The following ACCSL variants were observed in gnomAD, a reference collection of about 807,000 sequenced individuals.
ACCSL encodes probable inactive 1-aminocyclopropane-1-carboxylate synthase-like protein 2.
In ACCSL, 55 loss-of-function variants were observed where a neutral mutation model predicts 61.7. The ratio of observed to expected loss-of-function variants is 0.89; its 90% CI spans 0.72 to 1.12. The LOEUF is 1.12. Ranked by LOEUF, ACCSL falls within the 50% of genes most tolerant of loss-of-function variation. The pLI, the probability that ACCSL is intolerant of heterozygous loss-of-function variation, is 0.00. For missense variants in ACCSL, 632 were observed against 698.0 expected, an observed-to-expected ratio of 0.91 and a Z score of 1.07; for synonymous variants, 258 against 264.3, an observed-to-expected ratio of 0.98 and a Z score of 0.23.
chr11:43,955,317 G>A, the ACCSL span, among the ~76,000 whole-genome samples: 3 of 152,134 alleles, frequency 2.0e-5, no homozygotes, highest in Non-Finnish European at 2.9e-5. Flanking sequence ...TTTATAAAGA[G>A]CAGAAATTTA....
intron 11 of ACCSL, among the ~76,000 whole-genome samples, chr11:44,056,958 T>C (rs1271037795): frequency 1.3e-5 from 2 of 152,230 alleles, no homozygotes; most frequent in South Asian, 4.1e-4. Flanking sequence ...CAGAAATTAG[T>C]CTTTATGTGA....
At chr11:44,006,982 T>C in the ACCSL span, among the ~76,000 whole-genome samples, 5 of 152,160 alleles carry the variant, frequency 3.3e-5, no homozygotes, top group African/African-American at 4.8e-5. Flanking sequence ...GCGTCAAGAA[T>C]CCTCGTAGGC....
At chr11:43,980,388 C>T in the ACCSL span, among the ~76,000 whole-genome samples, 1 of 152,188 alleles carries the variant, frequency 6.6e-6, no homozygotes, top group African/African-American at 2.4e-5. Flanking sequence ...ATGTTTTCAT[C>T]GTCAGCTGTC....
At chr11:43,992,387 C>A in the ACCSL span, among the ~76,000 whole-genome samples, 1 of 152,202 alleles carries the variant, frequency 6.6e-6, no homozygotes, top group Non-Finnish European at 1.5e-5. Context: ...ACATGCTTTG[C>A]AGGATAGTCT....
At chr11:43,956,715 A>G in the ACCSL span, among the ~76,000 whole-genome samples, 2 of 152,182 alleles carry the variant, frequency 1.3e-5, no homozygotes, top group Non-Finnish European at 2.9e-5. Flanking sequence ...CACTGCACCC[A>G]GCCTACAATT....
the ACCSL span, among the ~76,000 whole-genome samples, chr11:44,023,323 G>A: frequency 8.6e-5 from 13 of 152,012 alleles, no homozygotes; most frequent in African/African-American, 2.9e-4. Flanking sequence ...AAAGTGTTGC[G>A]ATTATAGGCA....
At chr11:43,927,863 C>G in the ACCSL span, among the ~76,000 whole-genome samples, 1 of 152,184 alleles carries the variant, frequency 6.6e-6, no homozygotes, top group Non-Finnish European at 1.5e-5. Flanking sequence ...CTGTCCTGTG[C>G]CTGGCACAGA....
chr11:43,973,901 T>C, the ACCSL span: 1 of 152,200 alleles, frequency 6.6e-6, no homozygotes, highest in African/African-American at 2.4e-5. Flanking sequence ...ATAAGATCAT[T>C]ATAACATGAG....
the ACCSL span, among the ~76,000 whole-genome samples, chr11:44,032,808 T>G: frequency 6.6e-6 from 1 of 152,202 alleles, no homozygotes; most frequent in African/African-American, 2.4e-5. Context: ...AAAGCCCTCC[T>G]GCCAAGAATT....
At chr11:43,922,742 T>G in the ACCSL span, among the ~76,000 whole-genome samples, 2 of 152,300 alleles carry the variant, frequency 1.3e-5, no homozygotes, top group South Asian at 4.2e-4. Context: ...CTTTCTCACC[T>G]CATTCTTACC....
At chr11:43,948,429 A>G in the ACCSL span, among the ~76,000 whole-genome samples, 2 of 152,160 alleles carry the variant, frequency 1.3e-5, no homozygotes, top group Non-Finnish European at 2.9e-5. Flanking sequence ...TTCTTGACCA[A>G]TGCTACACAG....
At chr11:43,982,417 A>G in the ACCSL span, among the ~76,000 whole-genome samples, 1 of 151,684 alleles carries the variant, frequency 6.6e-6, no homozygotes, top group Admixed American at 6.6e-5. Flanking sequence ...TAGTAGAGAC[A>G]GGGTTTCACC....
the ACCSL span, among the ~76,000 whole-genome samples, chr11:44,017,515 G>A: frequency 5.3e-5 from 8 of 152,296 alleles, no homozygotes; most frequent in South Asian, 1.5e-3. Flanking sequence ...TGGCCCATTT[G>A]TCCACCTGGC....
chr11:43,964,217 G>A, the ACCSL span, among the ~76,000 whole-genome samples: 2 of 152,112 alleles, frequency 1.3e-5, no homozygotes, highest in South Asian at 2.1e-4. Flanking sequence ...GCTGAGGTGG[G>A]CGGATCATGA....
the ACCSL span, among the ~76,000 whole-genome samples, chr11:44,018,126 G>C: frequency 5.3e-5 from 8 of 152,162 alleles, no homozygotes; most frequent in Non-Finnish European, 1.0e-4. Flanking sequence ...TTGGGCGTCT[G>C]TCTGTCCCCC....
the ACCSL span, among the ~76,000 whole-genome samples, chr11:44,014,452 C>T: frequency 2.7e-5 from 4 of 150,486 alleles, no homozygotes; most frequent in African/African-American, 9.8e-5. Context: ...CTGGCTTCCC[C>T]GAGAGCAATG....
the ACCSL span, among the ~76,000 whole-genome samples, chr11:43,927,101 T>TA: frequency 6.6e-6 from 1 of 152,272 alleles, no homozygotes; most frequent in Non-Finnish European, 1.5e-5. Context: ...ATGTGCTTTT[T>TA]AAAAGAAAAA....
the ACCSL span, among the ~76,000 whole-genome samples, chr11:43,959,621 T>A: frequency 3.3e-5 from 5 of 152,164 alleles, no homozygotes; most frequent in African/African-American, 1.2e-4. Flanking sequence ...TAGCCCTGGC[T>A]CTACTCTGCC....
At chr11:43,959,132 A>C in the ACCSL span, among the ~76,000 whole-genome samples, 2 of 152,166 alleles carry the variant, frequency 1.3e-5, no homozygotes, top group Non-Finnish European at 2.9e-5. Context: ...ATTACATGTC[A>C]ATGTGAATTT....
Sources: allele counts gnomAD v4.1 joint callset (sites outside exome capture counted in the v4.1 genomes callset), GRCh38; gene constraint gnomAD v4.1.1; transcripts MANE v1.5; gene names NCBI Gene and HGNC (gene_info 2026-07-23, HGNC 2026-07-21).